The following ADAM2 variants were observed in gnomAD, a reference collection of about 807,000 sequenced individuals.
The protein encoded by ADAM2 is ADAM metallopeptidase domain 2, also known as disintegrin and metalloproteinase domain-containing protein 2.
Under a neutral mutation model 99.3 loss-of-function variants are expected in ADAM2, and 101 were observed. The observed-to-expected ratio is 1.02, with a 90% CI of 0.87 to 1.20. The LOEUF is 1.20. ADAM2 is among the 50% of genes most tolerant of loss of function. The pLI, the probability that ADAM2 is intolerant of heterozygous loss-of-function variation, is 0.00. For missense variants in ADAM2, 948 were observed against 878.7 expected (o/e 1.08, Z -1.00); for synonymous variants, 323 against 287.6 (o/e 1.12, Z -1.25).
chr8:39,756,008 G>T, intron 15 of ADAM2, 97 bp from the exon 16 acceptor site: 2 of 687,100 alleles, frequency 2.9e-6, no homozygotes, highest in African/African-American at 1.9e-5. Flanking sequence ...AGTATTCAAG[G>T]TTTGCAAGCT....
intron 7 of ADAM2, among the ~76,000 whole-genome samples, chr8:39,805,398 A>G (rs1804396128): frequency 6.6e-6 from 1 of 152,242 alleles, no homozygotes; most frequent in African/African-American, 2.4e-5. Context: ...TCATAGAAAT[A>G]AACTTGGAAA....
At chr8:39,778,365 A>AT (rs927117248) in intron 10 of ADAM2, among the ~76,000 whole-genome samples, 7 of 151,998 alleles carry the variant, frequency 4.6e-5, no homozygotes, top group South Asian at 2.1e-4. Context: ...TTTTACCTTG[A>AT]TTTTTTCTAA....
chr8:39,773,152 C>A (rs1802849989), intron 11 of ADAM2, among the ~76,000 whole-genome samples: 1 of 151,720 alleles, frequency 6.6e-6, no homozygotes, highest in South Asian at 2.1e-4. Flanking sequence ...AGGAAATCCA[C>A]AAATATTTGA....
chr8:39,813,491 T>A (rs1334851958), intron 6 of ADAM2, among the ~76,000 whole-genome samples: 2 of 152,180 alleles, frequency 1.3e-5, no homozygotes, highest in East Asian at 1.9e-4. Context: ...TGGAGCACTA[T>A]TCACGATAGC....
intron 7 of ADAM2, among the ~76,000 whole-genome samples, chr8:39,803,840 T>G (rs1017960003): frequency 3.9e-5 from 6 of 152,216 alleles, no homozygotes; most frequent in African/African-American, 1.4e-4. Context: ...AGAAGGACGA[T>G]TATCTTTGCT....
At chr8:39,778,431 A>G (rs1803085875) in intron 10 of ADAM2, among the ~76,000 whole-genome samples, 1 of 152,118 alleles carries the variant, frequency 6.6e-6, no homozygotes, top group East Asian at 1.9e-4. Context: ...CATCATTGCA[A>G]GGATGCTTAC....
At position 39,769,557 on chromosome 8, in the gene ADAM2, C is replaced by T; in HGVS notation, c.1047G>A (p.Lys349=). The part of the protein sequence containing the change: ...NPEAIHFSGV[K]IFSNCSFEDF... ...CTTCGAAGCTGCAGTTACTAAAGAT[C>T]TTCACACCACTGAAATGACTAAAGA... The change falls in exon 12 of 21, where the codon AAG becomes AAA. Residue 349 remains lysine (K), a synonymous_variant. Transcript: ENST00000265708. 1 of 1,613,032 alleles carries T rather than the reference C, an allele frequency of 6.2e-7. No homozygotes were observed. Among genetic ancestry groups the T allele is most frequent in the Non-Finnish European group, 8.5e-7 (1 of 1,179,168 alleles).
intron 6 of ADAM2, among the ~76,000 whole-genome samples, chr8:39,816,953 T>A (rs1326165675): frequency 6.6e-6 from 1 of 152,236 alleles, no homozygotes; most frequent in Non-Finnish European, 1.5e-5. Context: ...CCATAGTTTG[T>A]CAACTCCTAA....
In ADAM2 at chr8:39,767,211, G is replaced by T. The variant is rs1484188376; in HGVS notation, c.1253C>A (p.Thr418Lys). 1 of 1,608,732 alleles carries T rather than the reference G, an allele frequency of 6.2e-7. No individual in the cohort carries two copies. Among genetic ancestry groups the T allele is most frequent in the South Asian group, 1.1e-5 (1 of 90,142 alleles). Residue 418 changes from threonine to lysine, a missense_variant, in exon 13 of 21, where the codon ACA (threonine) becomes AAA (lysine). Coordinates refer to ENST00000265708, the MANE Select transcript of ADAM2 (RefSeq NM_001464.5). Reference sequence around the variant, plus strand: ...GTTTGAACCGGCTTTAAATCTACATGTGGCAATATCACAGCATGTTTCTCC... The same window carrying T: ...GTTTGAACCGGCTTTAAATCTACATTTGGCAATATCACAGCATGTTTCTCC... Reference protein sequence around the residue: ...LIGETCCDIATCRFKAGSNCA... With the variant: ...LIGETCCDIAKCRFKAGSNCA...
chr8:39,834,043 A>G (rs749420447), intron 2 of ADAM2, 44 bp from the exon 3 acceptor site: 1 of 1,062,156 alleles, frequency 9.4e-7, no homozygotes, highest in Admixed American at 2.0e-5. Context: ...ATGAAAAAAA[A>G]TGTTAGAAGG....
rs140107754 is a variant in ADAM2 at position 39,760,431 on chromosome 8, C to G, written c.1613+745G>C. Among the ~76,000 whole-genome samples, 417 of 152,192 alleles carry G rather than the reference C, an allele frequency of 2.7e-3. 2 individuals are homozygous for G. The highest frequency in any genetic ancestry group is 9.7e-3 in the African/African-American group (402 of 41,530). ...GCTGTAGAGCACATGTTCTTAAATA[C>G]CACGCTTTGGCCAGGCGCGGTGGCT... On this transcript the variant is annotated intron_variant, in intron 15 of 20. Coordinates refer to ENST00000265708, the MANE Select transcript of ADAM2 (RefSeq NM_001464.5).
At chr8:39,807,197 T>G (rs1414921281) in intron 7 of ADAM2, among the ~76,000 whole-genome samples, 1 of 152,358 alleles carries the variant, frequency 6.6e-6, no homozygotes, top group Non-Finnish European at 1.5e-5. Context: ...CTTGCTAGAC[T>G]TTCGGACTTG....
intron 6 of ADAM2, among the ~76,000 whole-genome samples, chr8:39,812,829 T>G (rs1187552206): frequency 6.6e-6 from 1 of 152,094 alleles, no homozygotes; most frequent in Non-Finnish European, 1.5e-5. Flanking sequence ...GAAGAAAACC[T>G]AGGCAATACC....
intron 11 of ADAM2, among the ~76,000 whole-genome samples, chr8:39,776,727 G>A (rs75730114): frequency 1.7e-3 from 257 of 152,198 alleles, no homozygotes; most frequent in African/African-American, 5.8e-3. Context: ...TACTTTTTGT[G>A]TAGTGATCTC....
At chr8:39,832,064 T>C (rs940530335) in intron 3 of ADAM2, among the ~76,000 whole-genome samples, 7 of 152,152 alleles carry the variant, frequency 4.6e-5, no homozygotes, top group African/African-American at 1.7e-4. Context: ...TTAAAAGATA[T>C]CAGAAGTACT....
chr8:39,829,609 T>C (rs932410368), intron 3 of ADAM2, among the ~76,000 whole-genome samples: 3 of 151,912 alleles, frequency 2.0e-5, no homozygotes, highest in Non-Finnish European at 2.9e-5. Flanking sequence ...TTGGAGGAAA[T>C]GTAATTATGA....
chr8:39,788,626 A>G (rs774558121), intron 8 of ADAM2, 43 bp downstream of exon 8: 1 of 1,366,460 alleles, frequency 7.3e-7, no homozygotes, highest in Non-Finnish European at 1.0e-6. Context: ...AAATTGTTTT[A>G]GTAACACAAG....
intron 3 of ADAM2, among the ~76,000 whole-genome samples, chr8:39,832,734 T>C (rs957787198): frequency 4.6e-5 from 7 of 152,292 alleles, no homozygotes; most frequent in African/African-American, 1.7e-4. Flanking sequence ...TGCTAGTCAC[T>C]GAGGATATGG....
intron 4 of ADAM2, among the ~76,000 whole-genome samples, chr8:39,824,143 C>A (rs1036691395): frequency 2.6e-5 from 4 of 151,786 alleles, no homozygotes; most frequent in African/African-American, 9.7e-5. Context: ...ATTAGCCGGG[C>A]ATGGTGACAC....
Sources: allele counts gnomAD v4.1 joint callset (sites outside exome capture counted in the v4.1 genomes callset), GRCh38; gene constraint gnomAD v4.1.1; transcripts MANE v1.5; gene names NCBI Gene and HGNC (gene_info 2026-07-23, HGNC 2026-07-21).